The following PFKM variants were observed in gnomAD, a reference collection of about 807,000 sequenced individuals.
PFKM encodes the protein ATP-dependent 6-phosphofructokinase, muscle type.
A neutral mutation model predicts 95.5 loss-of-function variants in PFKM; 58 were observed. The observed-to-expected ratio is 0.61, with a 90% CI of 0.49 to 0.76. The LOEUF (loss-of-function observed/expected upper bound fraction) is 0.76. Ranked by LOEUF, PFKM falls within the 30% of genes least tolerant of loss-of-function variation. The pLI, the probability that PFKM is intolerant of heterozygous loss-of-function variation, is 0.00. For synonymous variants in PFKM, 336 were observed against 357.2 expected (o/e 0.94, Z 0.67); for missense variants, 678 against 1,005.4 (o/e 0.67, Z 4.40).
upstream of PFKM, among the ~76,000 whole-genome samples, chr12:48,115,268 A>G (rs143957558): frequency 1.6e-3 from 239 of 152,336 alleles, 3 homozygotes; most frequent in African/African-American, 5.4e-3. Flanking sequence ...GTCCATGTGA[A>G]GAGATCACCA....
At chr12:48,133,621 C>T (rs879767607) in intron 6 of PFKM, 141 bp downstream of exon 6, 20 of 721,104 alleles carry the variant, frequency 2.8e-5, no homozygotes, top group East Asian at 1.1e-4. Flanking sequence ...CTATTTTTAA[C>T]GAAAAATTAT....
intron 10 of PFKM, among the ~76,000 whole-genome samples, chr12:48,136,692 C>CTTTTTTTTT (rs1166389532): frequency 8.7e-4 from 55 of 62,982 alleles, no homozygotes; most frequent in Non-Finnish European, 1.1e-3. Flanking sequence ...GGGGTCGTCA[C>CTTTTTTTTT]TTTTTTTTTT....
upstream of PFKM, among the ~76,000 whole-genome samples, chr12:48,118,257 T>G (rs1465385264): frequency 1.3e-5 from 2 of 152,234 alleles, no homozygotes; most frequent in South Asian, 4.1e-4. Flanking sequence ...GAGGGGCTTA[T>G]AATTTTATTT....
At chr12:48,126,289 C>T (rs1001593117) in intron 2 of PFKM, among the ~76,000 whole-genome samples, 15 of 152,152 alleles carry the variant, frequency 9.9e-5, no homozygotes, top group Admixed American at 9.2e-4. Context: ...AAAGAATTAC[C>T]GGGGCTCCTT....
Position 48,131,607 on chromosome 12 carries a change from G to A in PFKM, c.237+214G>A, listed in dbSNP as rs117834598. On this transcript the variant is annotated intron_variant, in intron 4 of 22. Coordinates refer to ENST00000359794, the MANE Select transcript of PFKM (RefSeq NM_000289.6). ...GGAGAGGGTGGAGGAGTGATCACAG[G>A]ATGCTTTGCTCTTTATGGAAAGGTC... 3,091 of 606,784 alleles carry A rather than the reference G, an allele frequency of 5.1e-3. 13 individuals carry two copies. Among genetic ancestry groups the A allele is most frequent in the Non-Finnish European group, 6.5e-3 (2,202 of 336,476 alleles). 37.6% of individuals were successfully genotyped at this position (606,784 alleles called of 1,614,324 possible).
At chr12:48,120,707 C>T (rs1323973539) in intron 1 of PFKM, among the ~76,000 whole-genome samples, 1 of 152,300 alleles carries the variant, frequency 6.6e-6, no homozygotes, top group East Asian at 1.9e-4. Context: ...TCATGAAGTA[C>T]TTTTTGCAAC....
intron 1 of PFKM, among the ~76,000 whole-genome samples, chr12:48,107,148 C>T (rs1299511022): frequency 6.6e-6 from 1 of 152,190 alleles, no homozygotes; most frequent in Non-Finnish European, 1.5e-5. Flanking sequence ...GGCCCCCAGC[C>T]TTTCTGATAC....
chr12:48,141,982 G>T lies in PFKM; in HGVS notation c.1569G>T (p.Val523=), dbSNP rs760229189. 1.2e-6 allele frequency: 2 copies of T among 1,614,056 alleles called. No homozygotes were observed. Residue 523 remains valine (V), a synonymous_variant, in exon 17 of 23, where the codon GTG becomes GTT. Coordinates refer to ENST00000359794, the MANE Select transcript of PFKM (RefSeq NM_000289.6). ...TTGATGAGCTCTGCATCCCATTTGTGGTCATTCCTGCTACAGTCTCCAACA... is the reference window on the plus strand; with the variant it reads ...TTGATGAGCTCTGCATCCCATTTGTTGTCATTCCTGCTACAGTCTCCAACA... ...KQFDELCIPF[V]VIPATVSNNV...
At chr12:48,109,321 T>C (rs12099462) in intron 3 of PFKM, among the ~76,000 whole-genome samples, 106,819 of 150,888 alleles carry the variant, frequency 0.71, 38,730 homozygotes, top group East Asian at 0.99. Flanking sequence ...CTTCCTTCCT[T>C]CCTCCCTCCC....
intron 5 of PFKM, 117 bp from the exon 6 acceptor site, chr12:48,133,198 T>C: frequency 1.6e-6 from 2 of 1,277,010 alleles, no homozygotes; most frequent in Non-Finnish European, 2.3e-6. Context: ...TTTGCCCTCC[T>C]TTTTCTGGTA....
At chr12:48,113,278 G>C (rs1291510946) in intron 3 of PFKM, among the ~76,000 whole-genome samples, 1 of 152,198 alleles carries the variant, frequency 6.6e-6, no homozygotes, top group East Asian at 1.9e-4. Flanking sequence ...GTAATGTGGA[G>C]TGGGTAGCCT....
chr12:48,117,887 G>T (rs1203438978), upstream of PFKM, among the ~76,000 whole-genome samples: 1 of 152,190 alleles, frequency 6.6e-6, no homozygotes, highest in Non-Finnish European at 1.5e-5. Context: ...AGTCCAGAAA[G>T]GCGGGATAAC....
intron 2 of PFKM, among the ~76,000 whole-genome samples, chr12:48,124,378 A>G (rs565046688): frequency 1.8e-4 from 28 of 152,360 alleles, no homozygotes; most frequent in African/African-American, 6.3e-4. Flanking sequence ...TTGAGCATTG[A>G]TCCTGAAACC....
upstream of PFKM, among the ~76,000 whole-genome samples, chr12:48,114,824 G>T (rs1396139005): frequency 6.6e-6 from 1 of 152,134 alleles, no homozygotes; most frequent in African/African-American, 2.4e-5. Context: ...CCGTTTTCTG[G>T]CCATTTAGAA....
upstream of PFKM, among the ~76,000 whole-genome samples, chr12:48,114,890 T>C (rs1947534448): frequency 6.6e-6 from 1 of 152,126 alleles, no homozygotes; most frequent in Non-Finnish European, 1.5e-5. Flanking sequence ...ATGAGATGCC[T>C]AGATTTTAGG....
At chr12:48,127,330 A>G (rs1050233537) in intron 2 of PFKM, among the ~76,000 whole-genome samples, 2 of 151,992 alleles carry the variant, frequency 1.3e-5, no homozygotes, top group Non-Finnish European at 2.9e-5. Context: ...TTCTCTTGAG[A>G]TAGTCTCTTC....
At chr12:48,132,276 T>C (rs1565883471) in intron 4 of PFKM, 2 of 334,866 alleles carry the variant, frequency 6.0e-6, no homozygotes, top group East Asian at 1.6e-4. Flanking sequence ...ATACCTCTCT[T>C]GGGGTATCTA....
intron 3 of PFKM, among the ~76,000 whole-genome samples, chr12:48,130,659 A>G (rs752925782): frequency 6.6e-6 from 1 of 152,194 alleles, no homozygotes; most frequent in South Asian, 2.1e-4. Flanking sequence ...TGCCTGTTCA[A>G]TTTAAAGGAA....
chr12:48,118,621 T>A, upstream of PFKM: 1 of 1,049,760 alleles, frequency 9.5e-7, no homozygotes. Context: ...TGGGAGCATC[T>A]GACCCTTTTT....
Sources: allele counts gnomAD v4.1 joint callset (sites outside exome capture counted in the v4.1 genomes callset), GRCh38; gene constraint gnomAD v4.1.1; transcripts MANE v1.5; gene names NCBI Gene and HGNC (gene_info 2026-07-23, HGNC 2026-07-21).